The following ZNF600 variants were observed in gnomAD, a reference collection of about 807,000 sequenced individuals.
The protein encoded by ZNF600 is zinc finger protein 600, also known as zinc finger protein KR-ZNF1.
ZNF600 carries 4 observed loss-of-function variants against 7.3 expected under a neutral mutation model. The observed-to-expected ratio is 0.55, with a 90% confidence interval of 0.27 to 1.25. The LOEUF (loss-of-function observed/expected upper bound fraction) is 1.25, where lower values mean the gene tolerates loss of function less well. ZNF600 is among the 50% of genes most tolerant of loss of function. ZNF600 has a pLI of 0.12. For synonymous variants in ZNF600, 290 were observed against 308.9 expected (o/e 0.94, Z 0.64); for missense variants, 911 against 922.1 (o/e 0.99, Z 0.16).
chr19:52,791,961 C>T, the ZNF600 span, among the ~76,000 whole-genome samples: 1 of 152,252 alleles, frequency 6.6e-6, no homozygotes, highest in African/African-American at 2.4e-5. Context: ...ATGCTCAATG[C>T]TGCACACAGA....
intron 3 of ZNF600, among the ~76,000 whole-genome samples, chr19:52,769,233 TCA>T (rs1237338057): frequency 5.9e-5 from 9 of 152,062 alleles, no homozygotes; most frequent in Non-Finnish European, 1.0e-4. Context: ...GGGCCTGACA[TCA>T]GTCAGGCCCA....
At chr19:52,809,651 C>CA in the ZNF600 span, among the ~76,000 whole-genome samples, 27 of 152,106 alleles carry the variant, frequency 1.8e-4, no homozygotes, top group Non-Finnish European at 2.2e-4. Context: ...ACTAAAAATA[C>CA]AAAAAATAGC....
the ZNF600 span, among the ~76,000 whole-genome samples, chr19:52,811,364 T>C: frequency 1.4e-5 from 2 of 146,244 alleles, no homozygotes; most frequent in Non-Finnish European, 3.0e-5. Context: ...TTGTCTGGGA[T>C]GTGAGGAGCC....
At chr19:52,790,061 G>C (rs932797158), upstream of ZNF600, among the ~76,000 whole-genome samples, 8 of 152,188 alleles carry the variant, frequency 5.3e-5, no homozygotes, top group African/African-American at 1.9e-4. Flanking sequence ...TTAAGGCAAG[G>C]ACCGGCCATT....
chr19:52,792,857 C>G, the ZNF600 span, among the ~76,000 whole-genome samples: 5 of 151,854 alleles, frequency 3.3e-5, no homozygotes, highest in African/African-American at 9.7e-5. Context: ...CTCAGCCTCC[C>G]GAGTAGCTGG....
chr19:52,833,545 C>T, the ZNF600 span, among the ~76,000 whole-genome samples: 1 of 152,138 alleles, frequency 6.6e-6, no homozygotes, highest in Non-Finnish European at 1.5e-5. Flanking sequence ...TATCACTTCA[C>T]CTGAGGAAGA....
the ZNF600 span, among the ~76,000 whole-genome samples, chr19:52,795,630 C>T: frequency 6.6e-6 from 1 of 152,018 alleles, no homozygotes; most frequent in African/African-American, 2.4e-5. Flanking sequence ...GTAGGTGCGC[C>T]ATCTCAGCTC....
chr19:52,801,177 G>C, the ZNF600 span: 2 of 1,614,056 alleles, frequency 1.2e-6, no homozygotes, highest in Middle Eastern at 1.6e-4. Flanking sequence ...ACAATTAAAG[G>C]ATTTGCCACT....
intron 1 of ZNF600, among the ~76,000 whole-genome samples, chr19:52,783,518 C>A (rs1050166457): frequency 6.6e-6 from 1 of 151,996 alleles, no homozygotes; most frequent in Non-Finnish European, 1.5e-5. Context: ...CCCGCCACCA[C>A]GCCCGGCTAA....
At chr19:52,829,159 C>G in the ZNF600 span, among the ~76,000 whole-genome samples, 2 of 149,374 alleles carry the variant, frequency 1.3e-5, no homozygotes, top group East Asian at 4.2e-4. Flanking sequence ...CCACCTCACT[C>G]AGCCTTATTT....
chr19:52,800,668 T>G, the ZNF600 span: 2 of 1,613,488 alleles, frequency 1.2e-6, no homozygotes, highest in African/African-American at 2.7e-5. Flanking sequence ...GATTTGCGAC[T>G]GAAAACTTTT....
At chr19:52,765,782 T>A (rs774262436) in exon 4 of ZNF600, 1 of 1,613,886 alleles carries the variant, frequency 6.2e-7, no homozygotes, top group Admixed American at 1.7e-5. Context: ...CAGGATGAAT[T>A]CTCCTATGTC....
chr19:52,787,401 CTTTT>C (rs1167453014), upstream of ZNF600, among the ~76,000 whole-genome samples: 10 of 114,824 alleles, frequency 8.7e-5, no homozygotes, highest in Admixed American at 2.8e-4. Context: ...CGCTCTTTTA[CTTTT>C]TTTTTTTTTT....
upstream of ZNF600, among the ~76,000 whole-genome samples, chr19:52,789,454 A>C (rs1350023615): frequency 1.3e-5 from 2 of 152,238 alleles, no homozygotes; most frequent in African/African-American, 4.8e-5. Context: ...TTTCTCTTCT[A>C]TACTTTGTCT....
the ZNF600 span, among the ~76,000 whole-genome samples, chr19:52,794,852 C>T: frequency 6.6e-6 from 1 of 151,822 alleles, no homozygotes; most frequent in East Asian, 1.9e-4. Flanking sequence ...ACACTCTTGT[C>T]TCAAAAAAGG....
the ZNF600 span, among the ~76,000 whole-genome samples, chr19:52,821,012 C>T: frequency 6.6e-6 from 1 of 152,110 alleles, no homozygotes; most frequent in Admixed American, 6.5e-5. Context: ...GCTGGGCGGG[C>T]AAGAACACCC....
At chr19:52,825,617 G>A in the ZNF600 span, among the ~76,000 whole-genome samples, 2 of 152,152 alleles carry the variant, frequency 1.3e-5, no homozygotes, top group African/African-American at 4.8e-5. Context: ...AGGTTGCAAT[G>A]TGCTAGTAAG....
the ZNF600 span, chr19:52,800,244 G>T: frequency 6.2e-7 from 1 of 1,603,166 alleles, no homozygotes; most frequent in East Asian, 2.3e-5. Context: ...GTTTGCTTTT[G>T]TACTAAAAAC....
chr19:52,817,888 G>A, the ZNF600 span: 12 of 1,607,574 alleles, frequency 7.5e-6, no homozygotes, highest in Non-Finnish European at 1.0e-5. Context: ...CAACTCCAAG[G>A]CCCAGCGTTT....
Sources: allele counts gnomAD v4.1 joint callset (sites outside exome capture counted in the v4.1 genomes callset), GRCh38; gene constraint gnomAD v4.1.1; transcripts MANE v1.5; gene names NCBI Gene and HGNC (gene_info 2026-07-23, HGNC 2026-07-21).